ZNF473: variants seen among roughly 807,000 people sequenced by gnomAD.
ZNF473 encodes zinc finger protein 100 homolog.
Under a neutral mutation model 11.1 loss-of-function variants are expected in ZNF473, and 4 were observed. That is an observed-to-expected ratio of 0.36 (90% CI 0.18 to 0.82). The LOEUF (loss-of-function observed/expected upper bound fraction) is 0.82, where lower values mean the gene tolerates loss of function less well. ZNF473 is among the 40% of genes least tolerant of loss of function. The probability of loss-of-function intolerance (pLI) is 0.49; values close to 1 mark genes in which losing one functional copy is unlikely to be tolerated. For synonymous variants in ZNF473, 404 were observed against 390.4 expected, an observed-to-expected ratio of 1.03 and a Z score of -0.41; for missense variants, 854 against 1,084.0, an observed-to-expected ratio of 0.79 and a Z score of 2.98.
At chr19:50,034,869 G>C (rs10408078) in intron 2 of ZNF473, among the ~76,000 whole-genome samples, 8,119 of 152,236 alleles carry the variant, frequency 0.053, 710 homozygotes, top group African/African-American at 0.19. Flanking sequence ...CTTTTACCAA[G>C]AATCTCTTGT....
At chr19:50,031,617 C>T (rs896612955) in intron 2 of ZNF473, among the ~76,000 whole-genome samples, 2 of 152,038 alleles carry the variant, frequency 1.3e-5, no homozygotes, top group Admixed American at 6.6e-5. Flanking sequence ...TCCATAGTAC[C>T]CCCTGCTGCC....
chr19:50,042,646 C>T (rs1382207501), intron 4 of ZNF473: 1 of 152,208 alleles, frequency 6.6e-6, no homozygotes, highest in Non-Finnish European at 1.5e-5. Context: ...ACAAATATAC[C>T]TCCATATCCT....
chr19:50,032,769 T>C (rs1245097199), intron 2 of ZNF473, among the ~76,000 whole-genome samples: 2 of 152,176 alleles, frequency 1.3e-5, no homozygotes, highest in Non-Finnish European at 2.9e-5. Flanking sequence ...CTTCTGAGGC[T>C]GTGAGCCAGG....
intron 2 of ZNF473, among the ~76,000 whole-genome samples, chr19:50,032,938 CTTTTTA>C (rs2077325478): frequency 6.6e-6 from 1 of 152,148 alleles, no homozygotes; most frequent in African/African-American, 2.4e-5. Flanking sequence ...CCCATTTCTC[CTTTTTA>C]TAACAACTTC....
chr19:50,039,319 A>G lies in ZNF473; in HGVS notation c.136+32A>G. On this transcript the variant is annotated intron_variant, in intron 3 of 4. Coordinates refer to ENST00000270617, the MANE Select transcript of ZNF473 (RefSeq NM_015428.4). This position sits in a 1 kb window ranked among gnomAD's most constrained non-coding sequence, Gnocchi z 4.8. ...GTTGCCTGTCCCCAGGGGCCTACTCACTGCCCTGCTTGGTGATCACCCATG... is the reference window on the plus strand; with the variant it reads ...GTTGCCTGTCCCCAGGGGCCTACTCGCTGCCCTGCTTGGTGATCACCCATG... 5 of 1,612,506 alleles carry G rather than the reference A, an allele frequency of 3.1e-6. No homozygotes were observed. Among genetic ancestry groups the G allele is most frequent in the Non-Finnish European group, 4.2e-6 (5 of 1,178,974 alleles).
At chr19:50,038,575 C>T (rs1414904772) in intron 2 of ZNF473, among the ~76,000 whole-genome samples, 5 of 152,138 alleles carry the variant, frequency 3.3e-5, no homozygotes, top group East Asian at 3.9e-4. Context: ...GAAGGCACAG[C>T]GGTACAGCTG....
In ZNF473 at chr19:50,033,289, T is replaced by A. The variant is rs1475552394; in HGVS notation, c.9+2198T>A. On this transcript the variant is annotated intron_variant, in intron 2 of 4. Coordinates refer to ENST00000270617, the MANE Select transcript of ZNF473 (RefSeq NM_015428.4). The stretch of plus-strand genomic sequence containing the variant: ...ACAATCTTGGCTCTAAGATGGGGTC[T>A]GGCAGGTGTGTTCAGGGAGCTGCAA... Among the ~76,000 whole-genome samples the A allele has an allele frequency of 1.1e-4, 17 of 152,206 alleles. No homozygotes were observed. In the East Asian group the frequency reaches 3.3e-3, roughly 29 times the overall value.
At chr19:50,030,837 G>A (rs1250155441) in intron 1 of ZNF473, 55 bp from the exon 2 acceptor site, 2 of 589,562 alleles carry the variant, frequency 3.4e-6, no homozygotes, top group African/African-American at 3.7e-5. Context: ...GAAGCACAGT[G>A]CAAATGTGGG....
intron 3 of ZNF473, among the ~76,000 whole-genome samples, chr19:50,040,292 T>G (rs1192422268): frequency 6.6e-6 from 1 of 152,198 alleles, no homozygotes; most frequent in African/African-American, 2.4e-5. Context: ...CCAGCAATAC[T>G]GTAGAATGTG....
rs1352015467 is a variant in ZNF473, at chr19:50,048,044, G to A, written c.*985G>A. ...CTCACCAGGCAATTTGCTAGGCTCG[G>A]GGGCGGGTAGTATCCATACACTATG... On this transcript the variant is annotated 3_prime_UTR_variant, in exon 5 of 5. Coordinates refer to ENST00000270617, the MANE Select transcript of ZNF473 (RefSeq NM_015428.4). 6.6e-6 allele frequency: 1 copy of A among 152,240 alleles called. No homozygotes were observed. Among genetic ancestry groups the A allele is most frequent in the Non-Finnish European group, 1.5e-5 (1 of 68,050 alleles). The allele number at this position is 152,240 out of a possible 1,614,324, so 9.4% of individuals were successfully genotyped here. A position where few individuals can be genotyped will look rare whatever the true frequency, so the allele number is the denominator to read the frequency against.
Position 50,046,869 on chromosome 19 carries a change from CAG to C in ZNF473, c.2427_2428del (p.Lys812AlafsTer5). 1.2e-6 allele frequency: 2 copies of C among 1,614,202 alleles called. No individual in the cohort carries two copies. Among genetic ancestry groups the C allele is most frequent in the South Asian group, 1.1e-5 (1 of 91,080 alleles). On this transcript the variant is annotated frameshift_variant, in exon 5 of 5. Coordinates refer to ENST00000270617, the MANE Select transcript of ZNF473 (RefSeq NM_015428.4). LOFTEE classifies it low-confidence loss of function (END_TRUNC). The surrounding 1 kb of genome is among the most constrained non-coding windows in gnomAD (Gnocchi z 5.9). ...CTAACACAGCACCAGAGAATTCACACAGGGGAGAAGCCTTACTCCTGTAATGT... is the reference window on the plus strand; with the variant it reads ...CTAACACAGCACCAGAGAATTCACACGGGAGAAGCCTTACTCCTGTAATGT...
At position 50,041,813 on chromosome 19, in the gene ZNF473, A is replaced by T. The variant is rs10419911; in HGVS notation, c.220A>T (p.Ser74Cys). 2 of 1,610,764 alleles carry T rather than the reference A, an allele frequency of 1.2e-6. No homozygotes were observed. Among genetic ancestry groups the T allele is most frequent in the African/African-American group, 2.7e-5 (2 of 74,530 alleles). The stretch of plus-strand genomic sequence containing the variant: ...GGCAGGAGGAAGCCCAGAAGCAACA[A>T]GCCCTGGTGAGTGGATGGAGAGGGG... The part of the protein sequence containing the change: ...PLAGGSPEAT[S>C]PDVTETKNSP... Residue 74 changes from serine (S) to cysteine (C), a missense_variant, in exon 4 of 5, where the codon AGC becomes TGC. Transcript: ENST00000270617.
At position 50,047,476 on chromosome 19, in the gene ZNF473, A is replaced by G. The variant is rs1473893380; in HGVS notation, c.*417A>G. The stretch of plus-strand genomic sequence containing the variant: ...CTCACCAAGTGTAAGCCACAAATAC[A>G]CATCAGCTATAGCACAAATATACTT... On this transcript the variant is annotated 3_prime_UTR_variant, in exon 5 of 5. Coordinates refer to ENST00000270617, the MANE Select transcript of ZNF473 (RefSeq NM_015428.4). 1 of 172,644 alleles carries G rather than the reference A, an allele frequency of 5.8e-6. No individual in the cohort carries two copies. The highest frequency in any genetic ancestry group is 1.5e-4 in the East Asian group (1 of 6,858). The allele number at this position is 172,644 out of a possible 1,614,324, so 10.7% of individuals were successfully genotyped here. A position where few individuals can be genotyped will look rare whatever the true frequency, so the allele number is the denominator to read the frequency against.
chr19:50,039,347 C>G lies in ZNF473; in HGVS notation c.136+60C>G. On this transcript the variant is annotated intron_variant, in intron 3 of 4. Transcript: ENST00000270617. This position sits in a 1 kb window ranked among gnomAD's most constrained non-coding sequence, Gnocchi z 4.8. ...GCCCTGCTTGGTGATCACCCATGCT[C>G]TCTACCACCCACAGGGTGAAGTCCT... is the stretch of plus-strand genomic sequence containing the variant. 1 of 1,598,680 alleles carries G rather than the reference C, an allele frequency of 6.3e-7. No individual in the cohort carries two copies. Among genetic ancestry groups the G allele is most frequent in the Non-Finnish European group, 8.5e-7 (1 of 1,169,614 alleles).
chr19:50,037,497 C>A (rs960500130), intron 2 of ZNF473, among the ~76,000 whole-genome samples: 2 of 152,068 alleles, frequency 1.3e-5, no homozygotes, highest in Admixed American at 6.6e-5. Context: ...AATGTTGGTA[C>A]TTCTCAAGTA....
At chr19:50,031,439 G>T (rs889067039) in intron 2 of ZNF473, among the ~76,000 whole-genome samples, 2 of 152,110 alleles carry the variant, frequency 1.3e-5, no homozygotes, top group African/African-American at 4.8e-5. Flanking sequence ...CTTTGGCCTA[G>T]TAGTAAAAGT....
chr19:50,030,792 A>G, intron 1 of ZNF473, 100 bp from the exon 2 acceptor site: 1 of 517,642 alleles, frequency 1.9e-6, no homozygotes, highest in South Asian at 2.1e-5. Context: ...GTGCTAACCC[A>G]CCATTGTTGG....
Position 50,039,371 on chromosome 19 carries a change from C to T in ZNF473, c.136+84C>T. The T allele has an allele frequency of 6.4e-7, 1 of 1,553,428 alleles. No individual in the cohort carries two copies. Among genetic ancestry groups the T allele is most frequent in the Non-Finnish European group, 8.8e-7 (1 of 1,139,950 alleles). On this transcript the variant is annotated intron_variant, in intron 3 of 4. Coordinates refer to ENST00000270617, the MANE Select transcript of ZNF473 (RefSeq NM_015428.4). The surrounding 1 kb of genome is among the most constrained non-coding windows in gnomAD (Gnocchi z 4.8). ...TCTCTACCACCCACAGGGTGAAGTC[C>T]TGGCTCCTGGGCTCCTCAGAATCAG...
intron 3 of ZNF473, chr19:50,041,482 T>C: frequency 3.2e-6 from 1 of 307,874 alleles, no homozygotes. Flanking sequence ...GTCCTTTGTA[T>C]CCCCAGCCCC....
Sources: gnomAD v4.1 joint callset for allele counts (sites outside exome capture counted in the v4.1 genomes callset) on GRCh38, gnomAD v4.1.1 for gene constraint, Gnocchi (gnomAD v3.1) non-coding constraint, MANE v1.5 for transcripts, NCBI Gene and HGNC (gene_info 2026-07-23, HGNC 2026-07-21) for gene names.